Variants in SLC25A21 observed in about 807,000 individuals in gnomAD.
SLC25A21 encodes the protein solute carrier family 25 member 21, also known as mitochondrial 2-oxodicarboxylate carrier.
Under a neutral mutation model 43.8 loss-of-function variants are expected in SLC25A21, and 47 were observed. That is an observed-to-expected ratio of 1.07 (90% CI 0.85 to 1.37). The LOEUF (loss-of-function observed/expected upper bound fraction) is 1.37. SLC25A21 is among the 40% of genes most tolerant of loss of function. The pLI is 0.00. For synonymous variants in SLC25A21, 131 were observed against 121.3 expected (o/e 1.08, Z -0.52); for missense variants, 352 against 350.2 (o/e 1.00, Z -0.04).
chr14:37,153,493 G>A (rs139779905), intron 1 of SLC25A21, among the ~76,000 whole-genome samples: 34 of 152,322 alleles, frequency 2.2e-4, no homozygotes, highest in African/African-American at 6.7e-4. Context: ...ACTTGGTTGC[G>A]AGTTGGGTGG....
chr14:37,119,838 T>C (rs1376063603), intron 1 of SLC25A21, among the ~76,000 whole-genome samples: 1 of 152,104 alleles, frequency 6.6e-6, no homozygotes, highest in Admixed American at 6.5e-5. Flanking sequence ...TAATACAGCA[T>C]CAACTACAAA....
At chr14:36,752,869 G>A (rs1389622758) in intron 3 of SLC25A21, among the ~76,000 whole-genome samples, 1 of 152,168 alleles carries the variant, frequency 6.6e-6, no homozygotes, top group African/African-American at 2.4e-5. Flanking sequence ...ACCATGTGAA[G>A]AAGGACGTGT....
intron 2 of SLC25A21, among the ~76,000 whole-genome samples, chr14:36,826,204 G>T (rs1166404229): frequency 1.3e-5 from 2 of 152,070 alleles, no homozygotes; most frequent in South Asian, 2.1e-4. Context: ...TCTTATTCTT[G>T]CTTGCCTCCT....
At chr14:37,108,076 C>T (rs1195292607) in intron 1 of SLC25A21, among the ~76,000 whole-genome samples, 1 of 152,160 alleles carries the variant, frequency 6.6e-6, no homozygotes, top group East Asian at 1.9e-4. Flanking sequence ...CCATAATTCT[C>T]CCACCTGTGA....
chr14:37,047,683 T>A (rs572857937), intron 1 of SLC25A21, among the ~76,000 whole-genome samples: 1 of 152,370 alleles, frequency 6.6e-6, no homozygotes, highest in East Asian at 1.9e-4. Flanking sequence ...TCACATTGAT[T>A]AAAAACCAAA....
chr14:36,818,385 A>G (rs1212765527), intron 2 of SLC25A21, among the ~76,000 whole-genome samples: 1 of 152,202 alleles, frequency 6.6e-6, no homozygotes, highest in Non-Finnish European at 1.5e-5. Flanking sequence ...TGCTGAGTTA[A>G]TTACAACCAG....
Position 36,768,918 on chromosome 14 carries a change from G to GACCT in SLC25A21, c.204-34349_204-34346dup, listed in dbSNP as rs1299632892. Among the ~76,000 whole-genome samples the GACCT allele has an allele frequency of 8.7e-5, 12 of 137,704 alleles. No homozygotes were observed. In the East Asian group the frequency reaches 2.4e-3, roughly 28 times the overall value. 90.3% of individuals were successfully genotyped at this position (137,704 alleles called of 152,430 possible). ...AAGGTCAGCTTGAGCAACAAAGTGA[G>GACCT]ACCTCTGTCTCTACCAAAAAAAAAA... On this transcript the variant is annotated intron_variant, in intron 3 of 9. Transcript: ENST00000331299.
intron 1 of SLC25A21, among the ~76,000 whole-genome samples, chr14:36,977,416 G>A (rs73256237): frequency 6.6e-6 from 1 of 152,068 alleles, no homozygotes. Flanking sequence ...TTTCAGGAGA[G>A]GTCTGATTGA....
intron 6 of SLC25A21, among the ~76,000 whole-genome samples, chr14:36,722,529 G>A (rs898452929): frequency 5.3e-5 from 8 of 152,202 alleles, no homozygotes; most frequent in African/African-American, 1.4e-4. Context: ...TGCATGTGTC[G>A]GGGCATGGGG....
chr14:36,707,829 T>A (rs987111705), intron 7 of SLC25A21, among the ~76,000 whole-genome samples: 16 of 152,234 alleles, frequency 1.1e-4, no homozygotes, highest in African/African-American at 3.9e-4. Flanking sequence ...ACTTTCACTT[T>A]TTAAAATAAT....
chr14:36,919,713 T>C (rs1459046237), intron 1 of SLC25A21, among the ~76,000 whole-genome samples: 1 of 151,906 alleles, frequency 6.6e-6, no homozygotes, highest in East Asian at 1.9e-4. Context: ...GGCTGAAGTT[T>C]TGGGTAATTA....
intron 3 of SLC25A21, among the ~76,000 whole-genome samples, chr14:36,745,199 T>C (rs1241017705): frequency 1.3e-5 from 2 of 152,154 alleles, no homozygotes; most frequent in African/African-American, 2.4e-5. Context: ...CTGCATAGTA[T>C]TCCATGGTGT....
intron 3 of SLC25A21, among the ~76,000 whole-genome samples, chr14:36,789,369 A>G (rs1887363084): frequency 6.6e-6 from 1 of 152,078 alleles, no homozygotes; most frequent in South Asian, 2.1e-4. Context: ...AAAAAAAGGA[A>G]AAGGATTAGA....
chr14:37,022,389 A>G (rs1456583642), intron 1 of SLC25A21, among the ~76,000 whole-genome samples: 1 of 152,022 alleles, frequency 6.6e-6, no homozygotes, highest in African/African-American at 2.4e-5. Context: ...ATAGAACAAT[A>G]GTGAGAATAG....
At chr14:36,986,920 C>T (rs1202982714) in intron 1 of SLC25A21, among the ~76,000 whole-genome samples, 2 of 151,960 alleles carry the variant, frequency 1.3e-5, no homozygotes, top group East Asian at 3.9e-4. Flanking sequence ...CATATTTTGT[C>T]TTTATGTGTC....
At chr14:36,760,786 G>A (rs533190830) in intron 3 of SLC25A21, among the ~76,000 whole-genome samples, 56 of 152,210 alleles carry the variant, frequency 3.7e-4, no homozygotes, top group African/African-American at 1.3e-3. Flanking sequence ...GAACCCCCCA[G>A]GAGAGGGCTT....
chr14:37,003,595 A>C (rs1960535751), intron 1 of SLC25A21, among the ~76,000 whole-genome samples: 1 of 152,240 alleles, frequency 6.6e-6, no homozygotes, highest in Non-Finnish European at 1.5e-5. Context: ...AATGAATCAC[A>C]ACTGCATGCA....
chr14:37,086,173 T>C (rs1304438232), intron 1 of SLC25A21, among the ~76,000 whole-genome samples: 5 of 152,286 alleles, frequency 3.3e-5, no homozygotes, highest in Non-Finnish European at 5.9e-5. Context: ...TTTTTTATTA[T>C]TGTTGCTTCA....
At chr14:37,036,581 T>C (rs567671445) in intron 1 of SLC25A21, among the ~76,000 whole-genome samples, 1 of 152,210 alleles carries the variant, frequency 6.6e-6, no homozygotes, top group East Asian at 1.9e-4. Context: ...CCCGTCTCTA[T>C]TAAAATTTAA....
Sources: allele counts gnomAD v4.1 joint callset (sites outside exome capture counted in the v4.1 genomes callset), GRCh38; gene constraint gnomAD v4.1.1; transcripts MANE v1.5; gene names NCBI Gene and HGNC (gene_info 2026-07-23, HGNC 2026-07-21).